Variants in STIM1 observed in about 807,000 individuals in gnomAD.
The protein encoded by STIM1 is stromal interaction molecule 1.
In STIM1, 25 loss-of-function variants were observed where a neutral mutation model predicts 74.7. The observed-to-expected ratio is 0.33, with a 90% CI of 0.24 to 0.47. The LOEUF is 0.47. Among genes scored for constraint, STIM1 ranks in the 20% least tolerant of loss-of-function variants. The pLI is 1.00. For missense variants in STIM1, 728 were observed against 920.8 expected (o/e 0.79, Z 2.71); for synonymous variants, 328 against 348.8 (o/e 0.94, Z 0.66).
intron 3 of STIM1, among the ~76,000 whole-genome samples, chr11:4,046,867 C>T (rs994393640): frequency 6.6e-5 from 10 of 151,986 alleles, no homozygotes; most frequent in African/African-American, 1.2e-4. Flanking sequence ...TGCTTAGGTT[C>T]GTCTCAAACT....
intron 1 of STIM1, among the ~76,000 whole-genome samples, chr11:3,950,782 T>C (rs1025946674): frequency 6.6e-6 from 1 of 152,084 alleles, no homozygotes; most frequent in African/African-American, 2.4e-5. Flanking sequence ...CATGACACCA[T>C]ACCCAGCTAA....
intron 1 of STIM1, among the ~76,000 whole-genome samples, chr11:3,878,918 A>G (rs2091398073): frequency 6.6e-6 from 1 of 151,014 alleles, no homozygotes; most frequent in Non-Finnish European, 1.5e-5. Context: ...ATCCCAACAC[A>G]CAGCATCTCC....
At chr11:4,036,454 T>TAATTTGCA (rs998432928) in intron 3 of STIM1, among the ~76,000 whole-genome samples, 43 of 152,348 alleles carry the variant, frequency 2.8e-4, no homozygotes, top group Middle Eastern at 3.4e-3. Context: ...AATGGTGAAC[T>TAATTTGCA]AATTTGCATT....
At chr11:3,967,834 G>A in intron 2 of STIM1, 152 bp downstream of exon 2, 1 of 1,169,212 alleles carries the variant, frequency 8.6e-7, no homozygotes, top group South Asian at 1.3e-5. Flanking sequence ...GCTCCCAGAA[G>A]AGCAGCCCTC....
At chr11:3,895,640 T>C (rs1459611613) in intron 1 of STIM1, among the ~76,000 whole-genome samples, 2 of 7,462 alleles carry the variant, frequency 2.7e-4, no homozygotes, top group African/African-American at 5.7e-4. Context: ...CTTTCTTTCT[T>C]TCTTTCTTTC....
chr11:3,978,179 G>A (rs1317396214), intron 2 of STIM1, among the ~76,000 whole-genome samples: 3 of 144,732 alleles, frequency 2.1e-5, no homozygotes, highest in African/African-American at 7.7e-5. Context: ...ACGGAGTTTC[G>A]CTCTTGTTGC....
chr11:3,991,764 A>G (rs1291014211), intron 2 of STIM1, among the ~76,000 whole-genome samples: 3 of 151,332 alleles, frequency 2.0e-5, no homozygotes, highest in Admixed American at 6.6e-5. Context: ...CCTGACCAAC[A>G]TGGAGAAACC....
chr11:4,008,032 A>G (rs901301589), intron 2 of STIM1, among the ~76,000 whole-genome samples: 1 of 152,178 alleles, frequency 6.6e-6, no homozygotes, highest in African/African-American at 2.4e-5. Flanking sequence ...CATATATAAT[A>G]TGAATTATAC....
chr11:3,974,221 ACT>A (rs1156368609), intron 2 of STIM1: 6 of 459,368 alleles, frequency 1.3e-5, no homozygotes, highest in Non-Finnish European at 2.4e-5. Context: ...TACTTAAGAG[ACT>A]CTGTCTTAGA....
chr11:3,914,179 C>T (rs958554751), intron 1 of STIM1, among the ~76,000 whole-genome samples: 5 of 152,058 alleles, frequency 3.3e-5, no homozygotes, highest in Non-Finnish European at 7.4e-5. Flanking sequence ...TTTTTGTCTT[C>T]GTGAATTTGC....
At chr11:4,004,729 G>C (rs2093759080) in intron 2 of STIM1, among the ~76,000 whole-genome samples, 1 of 151,550 alleles carries the variant, frequency 6.6e-6, no homozygotes, top group Non-Finnish European at 1.5e-5. Context: ...AGCCAAAATT[G>C]ACAAATGGGA....
intron 2 of STIM1, among the ~76,000 whole-genome samples, chr11:4,023,468 T>C (rs1248706086): frequency 6.6e-6 from 1 of 152,196 alleles, no homozygotes; most frequent in Non-Finnish European, 1.5e-5. Flanking sequence ...TGATAATTCA[T>C]TGGTTGTGAA....
chr11:3,976,555 T>G (rs2093450130), intron 2 of STIM1, among the ~76,000 whole-genome samples: 1 of 152,246 alleles, frequency 6.6e-6, no homozygotes, highest in African/African-American at 2.4e-5. Flanking sequence ...GTTAATTTTT[T>G]TAAAGTTCCC....
intron 1 of STIM1, among the ~76,000 whole-genome samples, chr11:3,934,656 A>G (rs2092911712): frequency 6.6e-6 from 1 of 152,238 alleles, no homozygotes; most frequent in Non-Finnish European, 1.5e-5. Flanking sequence ...TGGTACACTG[A>G]TGCCCAAATC....
chr11:3,861,120 A>G (rs949753994), intron 1 of STIM1, among the ~76,000 whole-genome samples: 1 of 151,970 alleles, frequency 6.6e-6, no homozygotes, highest in Non-Finnish European at 1.5e-5. Flanking sequence ...ATCTGGTTTC[A>G]CTGTTTGGTA....
At chr11:3,949,380 G>A (rs1389592048) in intron 1 of STIM1, among the ~76,000 whole-genome samples, 2 of 152,160 alleles carry the variant, frequency 1.3e-5, no homozygotes, top group Non-Finnish European at 2.9e-5. Context: ...GTGAGCTGGT[G>A]AGTGGCAGGA....
chr11:3,961,792 G>A (rs1476825763), intron 1 of STIM1, among the ~76,000 whole-genome samples: 1 of 152,230 alleles, frequency 6.6e-6, no homozygotes, highest in Non-Finnish European at 1.5e-5. Flanking sequence ...ACAGGCGTGA[G>A]CCACTGCGCC....
At chr11:3,916,747 C>G (rs556130790) in intron 1 of STIM1, among the ~76,000 whole-genome samples, 1 of 152,030 alleles carries the variant, frequency 6.6e-6, no homozygotes, top group Non-Finnish European at 1.5e-5. Context: ...CCACTGCGCC[C>G]GGCCATTTTT....
At chr11:3,917,140 G>A (rs1349816969) in intron 1 of STIM1, among the ~76,000 whole-genome samples, 1 of 152,150 alleles carries the variant, frequency 6.6e-6, no homozygotes, top group Admixed American at 6.5e-5. Context: ...TCTGCTATTG[G>A]CTTGTCTGTA....
Sources: allele counts gnomAD v4.1 joint callset (sites outside exome capture counted in the v4.1 genomes callset), GRCh38; gene constraint gnomAD v4.1.1; transcripts MANE v1.5; gene names NCBI Gene and HGNC (gene_info 2026-07-23, HGNC 2026-07-21).